Variants in EPHA3 observed in about 807,000 individuals in gnomAD.
The protein encoded by EPHA3 is EPH receptor A3.
EPHA3 carries 42 observed loss-of-function variants against 107.1 expected under a neutral mutation model. The observed-to-expected ratio is 0.39, with a 90% confidence interval of 0.31 to 0.51. The LOEUF is 0.51. EPHA3 is among the 20% of genes least tolerant of loss of function. The pLI, the probability that EPHA3 is intolerant of heterozygous loss-of-function variation, is 0.78. For synonymous variants in EPHA3, 461 were observed against 424.8 expected, an observed-to-expected ratio of 1.09 and a Z score of -1.05; for missense variants, 1,183 against 1,211.2, an observed-to-expected ratio of 0.98 and a Z score of 0.35.
At chr3:89,351,571 C>T (rs1254212557) in intron 5 of EPHA3, among the ~76,000 whole-genome samples, 6 of 150,778 alleles carry the variant, frequency 4.0e-5, no homozygotes, top group East Asian at 1.9e-4. Flanking sequence ...AGAAATCACC[C>T]GTCTTCTGCG....
chr3:89,391,008 A>G (rs1481946478), intron 5 of EPHA3, among the ~76,000 whole-genome samples: 5 of 151,396 alleles, frequency 3.3e-5, no homozygotes, highest in African/African-American at 1.2e-4. Flanking sequence ...CTGGTCTCGA[A>G]CTCCTGACTG....
chr3:89,250,538 A>C (rs1197025960), intron 3 of EPHA3, among the ~76,000 whole-genome samples: 1 of 148,518 alleles, frequency 6.7e-6, no homozygotes, highest in Non-Finnish European at 1.5e-5. Context: ...TAATATACCA[A>C]ATTCTTAAAC....
At chr3:89,476,158 T>C (rs1265208140) in intron 16 of EPHA3, among the ~76,000 whole-genome samples, 1 of 147,570 alleles carries the variant, frequency 6.8e-6, no homozygotes, top group Non-Finnish European at 1.5e-5. Context: ...ATATATAATG[T>C]TTATATATTG....
At chr3:89,384,253 G>C (rs1422784172) in intron 5 of EPHA3, among the ~76,000 whole-genome samples, 1 of 152,006 alleles carries the variant, frequency 6.6e-6, no homozygotes, top group Non-Finnish European at 1.5e-5. Context: ...ACAACAAGCA[G>C]AAGATATTGC....
chr3:89,320,028 A>C (rs1274491746), intron 3 of EPHA3, among the ~76,000 whole-genome samples: 3 of 151,966 alleles, frequency 2.0e-5, no homozygotes, highest in Non-Finnish European at 4.4e-5. Context: ...GAGTTTTTTC[A>C]GAATGTTCAC....
At chr3:89,220,187 A>G (rs1020161398) in intron 3 of EPHA3, among the ~76,000 whole-genome samples, 1 of 152,120 alleles carries the variant, frequency 6.6e-6, no homozygotes, top group African/African-American at 2.4e-5. Context: ...GTCTAGTTTA[A>G]TCATTGTCCT....
intron 5 of EPHA3, among the ~76,000 whole-genome samples, chr3:89,357,990 G>C (rs1185200340): frequency 6.6e-6 from 1 of 151,140 alleles, no homozygotes; most frequent in Admixed American, 6.6e-5. Context: ...AGAAGAACTA[G>C]GTTTTACAAC....
intron 2 of EPHA3, among the ~76,000 whole-genome samples, chr3:89,185,314 C>A (rs1335073238): frequency 1.3e-5 from 2 of 151,984 alleles, no homozygotes; most frequent in Non-Finnish European, 2.9e-5. Flanking sequence ...TTGCTGTCCC[C>A]TACATACATG....
intron 11 of EPHA3, 36 bp from the exon 12 acceptor site, chr3:89,429,070 G>A: frequency 7.1e-7 from 1 of 1,412,742 alleles, no homozygotes; most frequent in Non-Finnish European, 1.0e-6. Context: ...TACTTGAACT[G>A]TACTGATTAT....
At chr3:89,221,269 AT>A in intron 3 of EPHA3, among the ~76,000 whole-genome samples, 1 of 152,222 alleles carries the variant, frequency 6.6e-6, no homozygotes, top group Middle Eastern at 3.4e-3. Flanking sequence ...AATCACGGAC[AT>A]TTACTTCTGA....
At chr3:89,109,604 C>A (rs1025633784) in intron 1 of EPHA3, among the ~76,000 whole-genome samples, 3 of 151,786 alleles carry the variant, frequency 2.0e-5, no homozygotes, top group Non-Finnish European at 4.4e-5. Flanking sequence ...AAAAAAAAGA[C>A]ACCAAACTAT....
intron 9 of EPHA3, among the ~76,000 whole-genome samples, chr3:89,412,894 G>A (rs868361439): frequency 6.6e-6 from 1 of 151,506 alleles, no homozygotes; most frequent in African/African-American, 2.4e-5. Context: ...TTTTCCTTCT[G>A]ATGTTTTTGC....
At chr3:89,375,326 G>T (rs1708382205) in intron 5 of EPHA3, among the ~76,000 whole-genome samples, 4 of 151,824 alleles carry the variant, frequency 2.6e-5, no homozygotes, top group Admixed American at 2.6e-4. Context: ...AGTAGGCATT[G>T]AGATGAGAAT....
intron 13 of EPHA3, among the ~76,000 whole-genome samples, chr3:89,438,867 C>T (rs188515409): frequency 6.6e-6 from 1 of 152,216 alleles, no homozygotes; most frequent in East Asian, 1.9e-4. Flanking sequence ...AATGTTGAAT[C>T]GACACTTAAT....
Position 89,480,289 on chromosome 3 carries a change from C to G in EPHA3, c.*787C>G. The G allele has an allele frequency of 4.3e-6, 1 of 232,892 alleles. No individual in the cohort carries two copies. The highest frequency in any genetic ancestry group is 5.6e-5 in the Admixed American group (1 of 17,786). 14.4% of individuals were successfully genotyped at this position (232,892 alleles called of 1,614,324 possible). A position where few individuals can be genotyped will look rare whatever the true frequency, so the allele number is the denominator to read the frequency against. ...ATGGGTTTCTTTCAGATTTTTTGAA[C>G]CATCCACTTACATATATTTTTAAAA... On this transcript the variant is annotated 3_prime_UTR_variant, in exon 17 of 17. Coordinates refer to ENST00000336596, the MANE Select transcript of EPHA3 (RefSeq NM_005233.6).
intron 10 of EPHA3, among the ~76,000 whole-genome samples, chr3:89,415,796 A>G (rs1709235790): frequency 6.6e-6 from 1 of 151,296 alleles, no homozygotes; most frequent in African/African-American, 2.4e-5. Context: ...ATTTAATTTT[A>G]TTATCCTTTT....
At chr3:89,271,480 G>A (rs1054626520) in intron 3 of EPHA3, among the ~76,000 whole-genome samples, 36 of 151,822 alleles carry the variant, frequency 2.4e-4, no homozygotes, top group Non-Finnish European at 2.1e-4. Context: ...GCAGCAACTT[G>A]GCTTTCTCTC....
At chr3:89,355,481 G>A (rs544249467) in intron 5 of EPHA3, among the ~76,000 whole-genome samples, 2 of 151,500 alleles carry the variant, frequency 1.3e-5, no homozygotes, top group South Asian at 2.1e-4. Flanking sequence ...AGTAGCAAAA[G>A]TCCAATTGTA....
intron 3 of EPHA3, among the ~76,000 whole-genome samples, chr3:89,219,689 T>TG (rs1265976438): frequency 0.33 from 5,324 of 16,172 alleles, 1,080 homozygotes; most frequent in East Asian, 0.45. Flanking sequence ...TTTGGCAATG[T>TG]TTTTTTTTTT....
Sources: allele counts gnomAD v4.1 joint callset (sites outside exome capture counted in the v4.1 genomes callset), GRCh38; gene constraint gnomAD v4.1.1; transcripts MANE v1.5; gene names NCBI Gene and HGNC (gene_info 2026-07-23, HGNC 2026-07-21).